The following GRM8 variants were observed in gnomAD, a reference collection of about 807,000 sequenced individuals.
The protein encoded by GRM8 is metabotropic glutamate receptor 8.
Under a neutral mutation model 87.2 loss-of-function variants are expected in GRM8, and 47 were observed. That is an observed-to-expected ratio of 0.54 (90% CI 0.43 to 0.69). GRM8 has a LOEUF of 0.69. Among genes scored for constraint, GRM8 ranks in the 30% least tolerant of loss-of-function variants. The probability of loss-of-function intolerance (pLI) is 0.00; values close to 1 mark genes in which losing one functional copy is unlikely to be tolerated. For synonymous variants in GRM8, 396 were observed against 404.5 expected (o/e 0.98, Z 0.25); for missense variants, 1,019 against 1,139.2 (o/e 0.89, Z 1.52).
Position 126,439,289 on chromosome 7 carries a change from T to G in GRM8, c.2678-121A>C. 1.2e-5 allele frequency: 8 copies of G among 676,002 alleles called. 1 individual carries two copies. In the South Asian group the frequency reaches 1.3e-4, roughly 11 times the overall value. 41.9% of individuals were successfully genotyped at this position (676,002 alleles called of 1,614,324 possible). ...ATAATATCCAGCTTTTACAGCATGT[T>G]ACTCATTATTTTTAAACCATTCACA... is the stretch of plus-strand genomic sequence containing the variant. On this transcript the variant is annotated intron_variant, in intron 10 of 10. Transcript: ENST00000339582.
chr7:126,905,372 A>G (rs939069168), intron 3 of GRM8, among the ~76,000 whole-genome samples: 8 of 152,204 alleles, frequency 5.3e-5, no homozygotes, highest in African/African-American at 1.9e-4. Context: ...TGAAGGACAA[A>G]AGAGAAAAGT....
chr7:127,035,769 AATG>A (rs1266642541), intron 3 of GRM8, among the ~76,000 whole-genome samples: 1 of 152,132 alleles, frequency 6.6e-6, no homozygotes, highest in East Asian at 1.9e-4. Context: ...CCTATTAAAA[AATG>A]TTAGTTAATT....
At chr7:126,717,005 T>A (rs1811824795) in intron 7 of GRM8, among the ~76,000 whole-genome samples, 1 of 152,070 alleles carries the variant, frequency 6.6e-6, no homozygotes, top group Admixed American at 6.5e-5. Flanking sequence ...AAGATGATGG[T>A]AAAGAGCCTA....
intron 10 of GRM8, among the ~76,000 whole-genome samples, chr7:126,444,101 G>C (rs973218854): frequency 1.3e-5 from 2 of 151,744 alleles, no homozygotes; most frequent in Non-Finnish European, 2.9e-5. Flanking sequence ...GAGAAAAACA[G>C]GTAAAACAAT....
At chr7:126,844,746 T>C (rs1023156678) in intron 6 of GRM8, among the ~76,000 whole-genome samples, 1 of 152,200 alleles carries the variant, frequency 6.6e-6, no homozygotes, top group African/African-American at 2.4e-5. Flanking sequence ...TGTGCTCACA[T>C]GGCATTTCCT....
At chr7:126,993,446 C>T (rs1812870812) in intron 3 of GRM8, among the ~76,000 whole-genome samples, 1 of 152,136 alleles carries the variant, frequency 6.6e-6, no homozygotes, top group Non-Finnish European at 1.5e-5. Flanking sequence ...AAAGTCTCCA[C>T]AAATTGTCTC....
intron 8 of GRM8, among the ~76,000 whole-genome samples, chr7:126,534,663 A>C (rs189563670): frequency 6.6e-6 from 1 of 152,340 alleles, no homozygotes; most frequent in African/African-American, 2.4e-5. Flanking sequence ...AGGTTAAATC[A>C]TAGAATAACT....
intron 10 of GRM8, among the ~76,000 whole-genome samples, chr7:126,445,725 T>C (rs12534719): frequency 2.0e-5 from 3 of 152,016 alleles, no homozygotes; most frequent in Admixed American, 1.3e-4. Context: ...GTAAGATCTG[T>C]AGTGATATTC....
intron 7 of GRM8, among the ~76,000 whole-genome samples, chr7:126,678,113 T>C (rs1018792401): frequency 1.3e-5 from 2 of 152,344 alleles, no homozygotes; most frequent in Non-Finnish European, 2.9e-5. Context: ...GTGTGCTCAA[T>C]TTCACAATAG....
intron 6 of GRM8, among the ~76,000 whole-genome samples, chr7:126,785,759 A>G (rs1406127368): frequency 1.3e-5 from 2 of 152,012 alleles, no homozygotes; most frequent in Admixed American, 6.6e-5. Context: ...AATAAACTAG[A>G]AGGAGCCTAG....
chr7:127,125,617 A>G (rs1236952015), intron 2 of GRM8, among the ~76,000 whole-genome samples: 3 of 152,024 alleles, frequency 2.0e-5, no homozygotes, highest in Non-Finnish European at 4.4e-5. Flanking sequence ...AACTAGATAA[A>G]TGAGTACTTA....
At chr7:126,612,861 T>C (rs1378282110) in intron 7 of GRM8, among the ~76,000 whole-genome samples, 1 of 152,196 alleles carries the variant, frequency 6.6e-6, no homozygotes, top group East Asian at 1.9e-4. Flanking sequence ...TTTTCTGTCA[T>C]CTTTTATATT....
chr7:126,802,065 A>T (rs1355896480), intron 6 of GRM8, among the ~76,000 whole-genome samples: 2 of 152,220 alleles, frequency 1.3e-5, no homozygotes, highest in Non-Finnish European at 2.9e-5. Context: ...AAATTAGCAA[A>T]TAAAAACTAT....
At chr7:126,987,483 CAGAGTCTCGCTCTCTCG>C (rs1812207461) in intron 3 of GRM8, among the ~76,000 whole-genome samples, 1 of 151,454 alleles carries the variant, frequency 6.6e-6, no homozygotes, top group Admixed American at 6.6e-5. Flanking sequence ...TTTTTTGAGA[CAGAGTCTCGCTCTCTCG>C]TCCAGGCTGG....
intron 9 of GRM8, among the ~76,000 whole-genome samples, chr7:126,448,269 C>T (rs369567246): frequency 4.0e-5 from 6 of 151,844 alleles, no homozygotes; most frequent in East Asian, 1.9e-4. Context: ...ACAAATCCAA[C>T]GACGAAACAG....
chr7:126,950,810 T>C (rs1189429898), intron 3 of GRM8, among the ~76,000 whole-genome samples: 1 of 152,154 alleles, frequency 6.6e-6, no homozygotes, highest in East Asian at 1.9e-4. Context: ...TACTAGTAAG[T>C]TGTAAAAGTC....
chr7:126,861,404 C>T lies in GRM8; in HGVS notation c.1156+41138G>A, dbSNP rs117030859. On this transcript the variant is annotated intron_variant, in intron 6 of 10. Coordinates refer to ENST00000339582, the MANE Select transcript of GRM8 (RefSeq NM_000845.3). ...CAGCTATTAACATCCATGGCACATA[C>T]ATGAGAATTTCCCTACTATTACTAG... Among the ~76,000 whole-genome samples the T allele has an allele frequency of 3.9e-3, 587 of 152,122 alleles. 22 individuals are homozygous for T. The East Asian group carries it at 0.068, about 18-fold the overall frequency.
At chr7:126,842,484 C>G (rs1295453135) in intron 6 of GRM8, among the ~76,000 whole-genome samples, 2 of 152,120 alleles carry the variant, frequency 1.3e-5, no homozygotes, top group Non-Finnish European at 2.9e-5. Context: ...TGCCTGCCAC[C>G]AAAGATGTTC....
intron 7 of GRM8, among the ~76,000 whole-genome samples, chr7:126,655,961 A>T (rs924809719): frequency 6.6e-6 from 1 of 152,208 alleles, no homozygotes; most frequent in Non-Finnish European, 1.5e-5. Flanking sequence ...AGAGAAATAG[A>T]TATTCTACTC....
Sources: allele counts gnomAD v4.1 joint callset (sites outside exome capture counted in the v4.1 genomes callset), GRCh38; gene constraint gnomAD v4.1.1; transcripts MANE v1.5; gene names NCBI Gene and HGNC (gene_info 2026-07-23, HGNC 2026-07-21).